The following RASGEF1C variants were observed in gnomAD, a reference collection of about 807,000 sequenced individuals.
RASGEF1C encodes RasGEF domain family member 1C.
RASGEF1C carries 27 observed loss-of-function variants against 58.1 expected under a neutral mutation model. That is an observed-to-expected ratio of 0.46 (90% CI 0.34 to 0.64). RASGEF1C has a LOEUF of 0.64. RASGEF1C is among the 30% of genes least tolerant of loss of function. The probability of loss-of-function intolerance (pLI) is 0.01; values close to 1 mark genes in which losing one functional copy is unlikely to be tolerated. For missense variants in RASGEF1C, 502 were observed against 605.1 expected (o/e 0.83, Z 1.79); for synonymous variants, 243 against 246.3 (o/e 0.99, Z 0.13).
At chr5:180,161,638 G>A (rs10063012) in intron 1 of RASGEF1C, among the ~76,000 whole-genome samples, 27 of 152,304 alleles carry the variant, frequency 1.8e-4, no homozygotes, top group South Asian at 1.2e-3. Flanking sequence ...GAGCCCGAGA[G>A]GGGGAGCAGG....
At chr5:180,179,588 C>T (rs1349151753) in intron 1 of RASGEF1C, among the ~76,000 whole-genome samples, 1 of 152,176 alleles carries the variant, frequency 6.6e-6, no homozygotes, top group Non-Finnish European at 1.5e-5. Context: ...GTGATCAATA[C>T]AGCAGCTGCC....
At chr5:180,152,253 T>C (rs1290830452) in intron 1 of RASGEF1C, among the ~76,000 whole-genome samples, 4 of 152,072 alleles carry the variant, frequency 2.6e-5, no homozygotes, top group Non-Finnish European at 5.9e-5. Flanking sequence ...CATGCTGCTA[T>C]TAAGATACAC....
chr5:180,138,331 C>A (rs1766522538), intron 1 of RASGEF1C: 1 of 343,648 alleles, frequency 2.9e-6, no homozygotes, highest in Non-Finnish European at 5.2e-6. Flanking sequence ...GGGCAGGCCT[C>A]TTCTAGATTC....
In RASGEF1C at chr5:180,114,569, C is replaced by T. The variant is rs770990697; in HGVS notation, c.1084-28G>A. The T allele has an allele frequency of 6.9e-6, 11 of 1,593,760 alleles. No homozygotes were observed. The African/African-American group carries it at 1.3e-4, about 19-fold the overall frequency. On this transcript the variant is annotated intron_variant, in intron 10 of 13. Coordinates refer to ENST00000361132, the MANE Select transcript of RASGEF1C (RefSeq NM_175062.4). ...GGAAGAAAGAGGGGGCAGGTCGGCC[C>T]CAGCCGGCCCTCCACACAGCGGGCT...
intron 1 of RASGEF1C, among the ~76,000 whole-genome samples, chr5:180,195,236 A>G (rs902024615): frequency 1.6e-4 from 25 of 152,130 alleles, no homozygotes; most frequent in Admixed American, 1.4e-3. Context: ...TGCAGCCCTC[A>G]CACAGACATG....
At chr5:180,176,642 C>T (rs867857657) in intron 1 of RASGEF1C, among the ~76,000 whole-genome samples, 7 of 151,724 alleles carry the variant, frequency 4.6e-5, no homozygotes, top group Non-Finnish European at 7.4e-5. Context: ...CTGCAAGCTC[C>T]GCCTCCCGGG....
At position 180,101,235 on chromosome 5, in the gene RASGEF1C, C is replaced by T. The variant is rs1394967213; in HGVS notation, c.*266G>A. 3 of 540,994 alleles carry T rather than the reference C, an allele frequency of 5.5e-6. No individual in the cohort carries two copies. The highest frequency in any genetic ancestry group is 2.9e-5 in the East Asian group (1 of 34,022). The allele number at this position is 540,994 out of a possible 1,614,324, so 33.5% of individuals were successfully genotyped here. On this transcript the variant is annotated 3_prime_UTR_variant, in exon 14 of 14. Transcript: ENST00000361132. ...CGAGGATGGACAGACTGACCAGGCC[C>T]CACGGTCCTGAAGGCAGGATGTCCC...
rs1766106320 is a variant in RASGEF1C, at chr5:180,118,385, CTTCAGGCCCTCA to C, written c.1083+212_1083+223del. Reference sequence around the variant, plus strand: ...GAAAGGATGACCCCAGGCAGCCCGGCTTCAGGCCCTCATGAAGCACTTCCTGTCAGTCAGAGC... The same window carrying C: ...GAAAGGATGACCCCAGGCAGCCCGGCTGAAGCACTTCCTGTCAGTCAGAGC... On this transcript the variant is annotated intron_variant, in intron 10 of 13. Coordinates refer to ENST00000361132, the MANE Select transcript of RASGEF1C (RefSeq NM_175062.4). 2.6e-5 allele frequency among the ~76,000 whole-genome samples: 4 copies of C among 152,338 alleles called. No individual in the cohort carries two copies. In the South Asian group the frequency reaches 8.3e-4, roughly 32 times the overall value.
At chr5:180,170,463 T>C (rs1053087569) in intron 1 of RASGEF1C, among the ~76,000 whole-genome samples, 2 of 152,292 alleles carry the variant, frequency 1.3e-5, no homozygotes, top group South Asian at 4.1e-4. Context: ...ACGCAAGTTG[T>C]AGCGTCTCAT....
At chr5:180,159,926 C>T (rs58338994) in intron 1 of RASGEF1C, among the ~76,000 whole-genome samples, 3,067 of 152,282 alleles carry the variant, frequency 0.02, 80 homozygotes, top group South Asian at 0.091. Context: ...GGCTGCCCAG[C>T]CAACACGTGG....
chr5:180,159,404 C>T (rs10073971), intron 1 of RASGEF1C, among the ~76,000 whole-genome samples: 83,574 of 152,018 alleles, frequency 0.55, 23,941 homozygotes, highest in Non-Finnish European at 0.64. Context: ...CCTCCCAAAG[C>T]GCTGGGATTA....
At chr5:180,152,385 A>G (rs1007297504) in intron 1 of RASGEF1C, among the ~76,000 whole-genome samples, 2 of 152,152 alleles carry the variant, frequency 1.3e-5, no homozygotes, top group Non-Finnish European at 2.9e-5. Context: ...ATGCAGCCAT[A>G]ACAAATGAAG....
intron 4 of RASGEF1C, among the ~76,000 whole-genome samples, chr5:180,135,643 G>A (rs998121927): frequency 6.6e-6 from 1 of 152,204 alleles, no homozygotes; most frequent in Non-Finnish European, 1.5e-5. Context: ...AGTGAGGCTT[G>A]GAGACCCTTC....
rs1766879234 is a variant in RASGEF1C, at chr5:180,158,060, G to C, written c.-6-20002C>G. On this transcript the variant is annotated intron_variant, in intron 1 of 13. Transcript: ENST00000361132. The surrounding 1 kb of genome is among the most constrained non-coding windows in gnomAD (Gnocchi z 4.0). ...GGGAGGCTCTGCATGTGTGGAGGCA[G>C]GGGGATGTGGGAAATCTCTACTTTC... is the stretch of plus-strand genomic sequence containing the variant. Among the ~76,000 whole-genome samples, 1 of 152,184 alleles carries C rather than the reference G, an allele frequency of 6.6e-6. No individual in the cohort carries two copies. The highest frequency in any genetic ancestry group is 6.6e-5 in the Admixed American group (1 of 15,266).
At chr5:180,161,046 A>C (rs56795894) in intron 1 of RASGEF1C, among the ~76,000 whole-genome samples, 1 of 152,190 alleles carries the variant, frequency 6.6e-6, no homozygotes, top group Non-Finnish European at 1.5e-5. Context: ...ATCACTAAAC[A>C]TAGGGGCCCA....
chr5:180,186,771 G>C (rs1424944717), intron 1 of RASGEF1C, among the ~76,000 whole-genome samples: 1 of 152,176 alleles, frequency 6.6e-6, no homozygotes, highest in Non-Finnish European at 1.5e-5. Flanking sequence ...TTCAAGACCA[G>C]CCTGGCCAAC....
rs1250756282 is a variant in RASGEF1C, at chr5:180,113,514, C to T, written c.1179+932G>A. Among the ~76,000 whole-genome samples, 75 of 63,782 alleles carry T rather than the reference C, an allele frequency of 1.2e-3. 1 individual carries two copies. Among genetic ancestry groups the T allele is most frequent in the Non-Finnish European group, 1.3e-3 (43 of 32,464 alleles). 41.8% of individuals were successfully genotyped at this position (63,782 alleles called of 152,430 possible). On this transcript the variant is annotated intron_variant, in intron 11 of 13. Coordinates refer to ENST00000361132, the MANE Select transcript of RASGEF1C (RefSeq NM_175062.4). ...AGGGACCGGGGATGGACGGAGGGAT[C>T]GGGGATGGACGGAGGGACCGGGGAT...
chr5:180,114,602 G>T (rs903422397), intron 10 of RASGEF1C, 61 bp from the exon 11 acceptor site: 7 of 1,508,006 alleles, frequency 4.6e-6, no homozygotes, highest in Non-Finnish European at 6.3e-6. Flanking sequence ...GCTCCAGGAC[G>T]GGGGGCAGCC....
chr5:180,113,400 CGGG>C (rs1766002859), intron 11 of RASGEF1C, among the ~76,000 whole-genome samples: 1 of 52,450 alleles, frequency 1.9e-5, no homozygotes, highest in Non-Finnish European at 3.9e-5. Context: ...ACGGAGGGAC[CGGG>C]GATGGACGGA....
Sources: gnomAD v4.1 joint callset for allele counts (sites outside exome capture counted in the v4.1 genomes callset) on GRCh38, gnomAD v4.1.1 for gene constraint, Gnocchi (gnomAD v3.1) non-coding constraint, MANE v1.5 for transcripts, NCBI Gene and HGNC (gene_info 2026-07-23, HGNC 2026-07-21) for gene names.